Variants in SLC22A4 observed in about 807,000 individuals in gnomAD.
The protein encoded by SLC22A4 is ET transporter.
A neutral mutation model predicts 56.6 loss-of-function variants in SLC22A4; 39 were observed. That is an observed-to-expected ratio of 0.69 (90% CI 0.53 to 0.90). SLC22A4 has a LOEUF of 0.90. Among genes scored for constraint, SLC22A4 ranks in the 40% least tolerant of loss-of-function variants. The probability of loss-of-function intolerance (pLI) is 0.00; values close to 1 mark genes in which losing one functional copy is unlikely to be tolerated. For synonymous variants in SLC22A4, 241 were observed against 281.4 expected (o/e 0.86, Z 1.44); for missense variants, 594 against 696.5 (o/e 0.85, Z 1.66).
intron 1 of SLC22A4, among the ~76,000 whole-genome samples, chr5:132,299,674 G>A (rs952919562): frequency 3.3e-5 from 5 of 152,044 alleles, no homozygotes; most frequent in Non-Finnish European, 7.4e-5. Context: ...GGCTGGTCTC[G>A]AACTCCTGAC....
Position 132,334,902 on chromosome 5 carries a change from G to A in SLC22A4, c.1231G>A (p.Val411Met), listed in dbSNP as rs1402281020. Residue 411 changes from valine to methionine, a missense_variant, in exon 7 of 10, where the codon GTG (valine) becomes ATG (methionine). By Grantham distance (21) the Val-to-Met change is conservative. Transcript: ENST00000200652. Reference protein sequence around the residue: ...IAAVLFWGGGVLLFIQLVPVD... With the variant: ...IAAVLFWGGGMLLFIQLVPVD... ...TGCAGTACTGTTCTGGGGAGGAGGT[G>A]TGCTTCTCTTCATTCAACTGGTACC... 1.2e-6 allele frequency: 2 copies of A among 1,613,390 alleles called. No individual in the cohort carries two copies. The highest frequency in any genetic ancestry group is 1.7e-6 in the Non-Finnish European group (2 of 1,179,696).
At chr5:132,328,903 G>GTGTGTATATATATATATA (rs1180080096) in intron 5 of SLC22A4, among the ~76,000 whole-genome samples, 28 of 96,380 alleles carry the variant, frequency 2.9e-4, no homozygotes, top group African/African-American at 1.3e-3. Flanking sequence ...GTGTGTATGT[G>GTGTGTATATATATATATA]TATATATATA....
intron 5 of SLC22A4, among the ~76,000 whole-genome samples, chr5:132,328,823 TTATATATATA>T (rs70974032): frequency 0.015 from 2,212 of 145,412 alleles, 28 homozygotes; most frequent in Non-Finnish European, 0.018. Context: ...GGCAGTGCCT[TTATATATATA>T]TATATACACA....
At position 132,331,736 on chromosome 5, in the gene SLC22A4, T is replaced by G; in HGVS notation, c.952-20T>G. 6.5e-7 allele frequency: 1 copy of G among 1,547,320 alleles called. No homozygotes were observed. Among genetic ancestry groups the G allele is most frequent in the Non-Finnish European group, 8.9e-7 (1 of 1,119,142 alleles). ...TACTACCTCTTAATCTCATGGTTAT[T>G]TGCATTATTTTGGTTACAGGAGCTA... On this transcript the variant is annotated intron_variant, in intron 5 of 9. Transcript: ENST00000200652.
intron 1 of SLC22A4, among the ~76,000 whole-genome samples, chr5:132,296,724 C>T (rs1267574856): frequency 5.3e-5 from 8 of 152,212 alleles, no homozygotes; most frequent in African/African-American, 1.4e-4. Context: ...GCTCATCCCG[C>T]GTCGATTCCT....
At chr5:132,312,312 C>A in intron 2 of SLC22A4, 48 bp downstream of exon 2, 1 of 1,122,264 alleles carries the variant, frequency 8.9e-7, no homozygotes, top group South Asian at 1.2e-5. Context: ...CCTTGTCAAT[C>A]ACTGCCTATC....
At chr5:132,295,450 A>G in intron 1 of SLC22A4, 1 of 381,480 alleles carries the variant, frequency 2.6e-6, no homozygotes, top group Non-Finnish European at 5.1e-6. Context: ...TTCTGGAGGC[A>G]TCAGGAGGTG....
intron 6 of SLC22A4, 21 bp from the exon 7 acceptor site, chr5:132,334,697 A>G (rs369491867): frequency 3.9e-5 from 61 of 1,572,722 alleles, no homozygotes; most frequent in Middle Eastern, 3.3e-4. Context: ...TCCCTTTGTC[A>G]TTTTTACCTT....
chr5:132,326,070 T>C (rs1287815852), intron 4 of SLC22A4, among the ~76,000 whole-genome samples: 1 of 152,248 alleles, frequency 6.6e-6, no homozygotes, highest in African/African-American at 2.4e-5. Flanking sequence ...TCTCTGCCTG[T>C]GGGGCAGCCC....
intron 1 of SLC22A4, among the ~76,000 whole-genome samples, chr5:132,305,332 G>T (rs1474780289): frequency 6.6e-6 from 1 of 152,102 alleles, no homozygotes; most frequent in Non-Finnish European, 1.5e-5. Flanking sequence ...AGAATTACTA[G>T]GAGAGGAGAG....
chr5:132,335,761 A>G (rs1751003275), intron 7 of SLC22A4, 57 bp from the exon 8 acceptor site: 1 of 1,383,612 alleles, frequency 7.2e-7, no homozygotes, highest in Middle Eastern at 1.9e-4. Context: ...AAAATAACTG[A>G]TATAAGAAAG....
chr5:132,313,944 G>A (rs1750260444), intron 3 of SLC22A4, among the ~76,000 whole-genome samples, 176 bp downstream of exon 3: 1 of 152,200 alleles, frequency 6.6e-6, no homozygotes, highest in South Asian at 2.1e-4. Context: ...GCACTCGCAG[G>A]GAGCCACCTC....
intron 8 of SLC22A4, 71 bp from the exon 9 acceptor site, chr5:132,340,494 C>T (rs1751180115): frequency 1.4e-6 from 2 of 1,451,228 alleles, no homozygotes; most frequent in African/African-American, 1.4e-5. Flanking sequence ...ACCAACTTCA[C>T]AAAATGATGC....
intron 1 of SLC22A4, 138 bp downstream of exon 1, chr5:132,295,147 G>A (rs1749751698): frequency 9.8e-7 from 1 of 1,021,198 alleles, no homozygotes; most frequent in Non-Finnish European, 1.5e-6. Flanking sequence ...TCCAGCAGCG[G>A]GTGTGCACCC....
chr5:132,299,158 C>G (rs1409917028), intron 1 of SLC22A4, among the ~76,000 whole-genome samples: 1 of 152,214 alleles, frequency 6.6e-6, no homozygotes, highest in African/African-American at 2.4e-5. Flanking sequence ...GAACTGCCCC[C>G]CAACACCTCT....
chr5:132,306,981 G>T (rs1750056624), intron 1 of SLC22A4, among the ~76,000 whole-genome samples: 1 of 152,192 alleles, frequency 6.6e-6, no homozygotes, highest in Non-Finnish European at 1.5e-5. Flanking sequence ...CTGCTAACAG[G>T]TATGGGTTTT....
chr5:132,307,054 T>C (rs564318171), intron 1 of SLC22A4, among the ~76,000 whole-genome samples: 1 of 152,344 alleles, frequency 6.6e-6, no homozygotes, highest in African/African-American at 2.4e-5. Flanking sequence ...AGTCTGTGAA[T>C]ATACTAAAAA....
At chr5:132,306,049 T>C (rs1750020832) in intron 1 of SLC22A4, among the ~76,000 whole-genome samples, 1 of 152,024 alleles carries the variant, frequency 6.6e-6, no homozygotes, top group African/African-American at 2.4e-5. Flanking sequence ...TTACACCCAC[T>C]ACAATGACTA....
intron 6 of SLC22A4, 80 bp from the exon 7 acceptor site, chr5:132,334,638 A>G (rs909966668): frequency 3.2e-6 from 3 of 948,460 alleles, no homozygotes; most frequent in African/African-American, 3.2e-5. Flanking sequence ...AGACAGCAAG[A>G]TATAGAGAAT....
Sources: allele counts gnomAD v4.1 joint callset (sites outside exome capture counted in the v4.1 genomes callset), GRCh38; gene constraint gnomAD v4.1.1; transcripts MANE v1.5; gene names NCBI Gene and HGNC (gene_info 2026-07-23, HGNC 2026-07-21).